MLIP: variants seen among roughly 807,000 people sequenced by gnomAD.
MLIP encodes muscular LMNA-interacting protein.
Under a neutral mutation model 84.8 loss-of-function variants are expected in MLIP, and 79 were observed. That is an observed-to-expected ratio of 0.93 (90% CI 0.78 to 1.12). MLIP has a LOEUF of 1.12. Ranked by LOEUF, MLIP falls within the 50% of genes most tolerant of loss-of-function variation. The probability of loss-of-function intolerance (pLI) is 0.00; values close to 1 mark genes in which losing one functional copy is unlikely to be tolerated. For synonymous variants in MLIP, 504 were observed against 463.0 expected, an observed-to-expected ratio of 1.09 and a Z score of -1.14; for missense variants, 1,257 against 1,160.6, an observed-to-expected ratio of 1.08 and a Z score of -1.21.
At chr6:54,102,621 G>C (rs546892440) in intron 1 of MLIP, among the ~76,000 whole-genome samples, 120 of 152,204 alleles carry the variant, frequency 7.9e-4, no homozygotes, top group African/African-American at 2.9e-3. Flanking sequence ...CTTATTTTGT[G>C]ACAGATCCTG....
In MLIP at chr6:54,113,675, TGCCAAA is replaced by T. The variant is rs149024129; in HGVS notation, c.96+2104_96+2109del. ...CTTCCTTTCATATACTCAGTCTTAA[TGCCAAA>T]GCCTGGAATTTAGAATCATCTGGAA... On this transcript the variant is annotated intron_variant, in intron 1 of 13. Coordinates refer to ENST00000502396, the MANE Select transcript of MLIP (RefSeq NM_001281747.2). 0.017 allele frequency among the ~76,000 whole-genome samples: 2,518 copies of T among 152,278 alleles called. 167 individuals carry two copies. In the East Asian group the frequency reaches 0.21, roughly 13 times the overall value.
intron 1 of MLIP, among the ~76,000 whole-genome samples, chr6:54,048,525 G>C (rs1765198302): frequency 6.6e-6 from 1 of 152,150 alleles, no homozygotes; most frequent in Non-Finnish European, 1.5e-5. Flanking sequence ...TCATGAAGGA[G>C]CATAACTGCA....
At chr6:54,247,374 C>T (rs1782153394) in intron 12 of MLIP, among the ~76,000 whole-genome samples, 1 of 152,022 alleles carries the variant, frequency 6.6e-6, no homozygotes, top group Non-Finnish European at 1.5e-5. Flanking sequence ...CTAGCAAGAA[C>T]ATAGCTGGAA....
At chr6:54,072,365 A>T (rs1025831777) in intron 1 of MLIP, among the ~76,000 whole-genome samples, 3 of 152,020 alleles carry the variant, frequency 2.0e-5, no homozygotes, top group African/African-American at 4.8e-5. Flanking sequence ...TCCTCACTTG[A>T]TGGTTTGCAA....
At chr6:54,057,589 G>C (rs916221501) in intron 1 of MLIP, among the ~76,000 whole-genome samples, 4 of 152,178 alleles carry the variant, frequency 2.6e-5, no homozygotes. Context: ...TCCTTCTGCA[G>C]AAATCTCTTT....
intron 1 of MLIP, among the ~76,000 whole-genome samples, chr6:54,120,827 T>C (rs1424447931): frequency 6.6e-6 from 1 of 152,066 alleles, no homozygotes; most frequent in Non-Finnish European, 1.5e-5. Context: ...TTGTGAGTAG[T>C]CTACTGACTG....
intron 12 of MLIP, among the ~76,000 whole-genome samples, chr6:54,233,324 T>A (rs1781132455): frequency 6.6e-6 from 1 of 152,014 alleles, no homozygotes; most frequent in African/African-American, 2.4e-5. Flanking sequence ...GCTATCCCTC[T>A]CCTAGCCCCC....
At chr6:54,090,551 G>A (rs1034397114) in intron 1 of MLIP, among the ~76,000 whole-genome samples, 2 of 151,924 alleles carry the variant, frequency 1.3e-5, no homozygotes, top group Non-Finnish European at 1.5e-5. Context: ...ATTTTGACTC[G>A]CTCTATTTCA....
At chr6:54,057,036 T>C (rs1257484617) in intron 1 of MLIP, among the ~76,000 whole-genome samples, 1 of 152,226 alleles carries the variant, frequency 6.6e-6, no homozygotes, top group Non-Finnish European at 1.5e-5. Flanking sequence ...TTGTCAGACA[T>C]GTTCTAAGCA....
chr6:54,136,999 A>G lies in MLIP; in HGVS notation c.930A>G (p.Leu310=), dbSNP rs1339314551. 3 of 1,535,724 alleles carry G rather than the reference A, an allele frequency of 2.0e-6. No homozygotes were observed. In the African/African-American group the frequency reaches 4.1e-5, roughly 21 times the overall value. Residue 310 remains leucine (L), a synonymous_variant, in exon 4 of 14, where the codon TTA becomes TTG. Coordinates refer to ENST00000502396, the MANE Select transcript of MLIP (RefSeq NM_001281747.2). The part of the protein sequence containing the change: ...PHSTQLSGSN[L]PSSTAADPKP... ...CCACTCAACTATCAGGTTCTAATTT[A>G]CCCAGTTCAACTGCAGCAGATCCAA...
chr6:54,029,655 A>C (rs1471730195), intron 1 of MLIP, among the ~76,000 whole-genome samples: 1 of 152,192 alleles, frequency 6.6e-6, no homozygotes, highest in Non-Finnish European at 1.5e-5. Flanking sequence ...TCAGGGTATC[A>C]TACTATATAC....
Position 54,050,618 on chromosome 6 carries a change from A to G in MLIP, c.63+31527A>G, listed in dbSNP as rs139436864. Among the ~76,000 whole-genome samples the G allele has an allele frequency of 7.9e-5, 12 of 152,300 alleles. No homozygotes were observed. The East Asian group carries it at 1.7e-3, about 22-fold the overall frequency. On this transcript the variant is annotated intron_variant, in intron 1 of 12. Coordinates refer to the MLIP transcript ENST00000274897. ...GTTTTTGATTTCCATTTTTCCTAAT[A>G]TAATCATTGTTTGATTGCATATCTT...
intron 1 of MLIP, among the ~76,000 whole-genome samples, chr6:54,048,871 T>C (rs764744999): frequency 6.6e-6 from 1 of 152,076 alleles, no homozygotes; most frequent in Non-Finnish European, 1.5e-5. Context: ...TAAGTAAGAG[T>C]TGAATTTTTG....
rs527272804 is a variant in MLIP at position 54,208,533 on chromosome 6, C to A, written c.2718+6300C>A. ...CCCAAGAATTCGAGGTGGCAGTGAT[C>A]TATAATTGTGCCATTTCACTTCAGC... On this transcript the variant is annotated intron_variant, in intron 11 of 13. Coordinates refer to ENST00000502396, the MANE Select transcript of MLIP (RefSeq NM_001281747.2). Among the ~76,000 whole-genome samples, 56 of 152,276 alleles carry A rather than the reference C, an allele frequency of 3.7e-4. No homozygotes were observed. In the South Asian group the frequency reaches 9.7e-3, roughly 26 times the overall value.
intron 9 of MLIP, 106 bp downstream of exon 9, chr6:54,169,678 T>G (rs1038293791): frequency 6.0e-6 from 4 of 666,424 alleles, no homozygotes; most frequent in Admixed American, 4.0e-5. Flanking sequence ...ATTGTTTTTT[T>G]ATAAGTTGAA....
At chr6:54,029,624 C>T (rs952293093) in intron 1 of MLIP, among the ~76,000 whole-genome samples, 12 of 152,116 alleles carry the variant, frequency 7.9e-5, no homozygotes, top group African/African-American at 2.2e-4. Flanking sequence ...CATTTTAAAC[C>T]CAGCAACTTT....
chr6:54,260,532 T>C (rs768121987), intron 13 of MLIP, among the ~76,000 whole-genome samples: 4 of 151,998 alleles, frequency 2.6e-5, no homozygotes, highest in East Asian at 1.9e-4. Flanking sequence ...AGTTCCTTCA[T>C]TGGCAGTCTA....
At chr6:54,127,973 GTCTGAAAGACC>G (rs1409837010) in intron 3 of MLIP, among the ~76,000 whole-genome samples, 3 of 152,132 alleles carry the variant, frequency 2.0e-5, no homozygotes, top group African/African-American at 7.2e-5. Context: ...ACAGTGATTC[GTCTGAAAGACC>G]TATGATAAAG....
chr6:54,239,613 A>G (rs2150831652), intron 12 of MLIP, among the ~76,000 whole-genome samples: 1 of 147,298 alleles, frequency 6.8e-6, no homozygotes, highest in Non-Finnish European at 1.5e-5. Context: ...CCCCATCTCT[A>G]CTAAAAATAC....
Sources: allele counts gnomAD v4.1 joint callset (sites outside exome capture counted in the v4.1 genomes callset), GRCh38; gene constraint gnomAD v4.1.1; transcripts MANE v1.5; gene names NCBI Gene and HGNC (gene_info 2026-07-23, HGNC 2026-07-21).